CAB39: variants seen among roughly 807,000 people sequenced by gnomAD.
CAB39 encodes the protein calcium binding protein 39, also known as calcium-binding protein 39.
Under a neutral mutation model 40.0 loss-of-function variants are expected in CAB39, and 8 were observed. That is an observed-to-expected ratio of 0.20 (90% confidence interval 0.12 to 0.36). The LOEUF is 0.36. CAB39 is among the 10% of genes least tolerant of loss of function. CAB39 has a pLI of 1.00. For missense variants in CAB39, 270 were observed against 401.1 expected, an observed-to-expected ratio of 0.67 and a Z score of 2.79; for synonymous variants, 156 against 141.6, an observed-to-expected ratio of 1.10 and a Z score of -0.72.
chr2:230,773,012 G>C (rs1695514996), intron 2 of CAB39, among the ~76,000 whole-genome samples: 1 of 145,038 alleles, frequency 6.9e-6, no homozygotes, highest in Admixed American at 6.9e-5. Flanking sequence ...AACTATTGCT[G>C]TATACAACAG....
intron 1 of CAB39, among the ~76,000 whole-genome samples, chr2:230,742,338 C>G (rs1015878298): frequency 3.9e-5 from 6 of 152,076 alleles, no homozygotes; most frequent in Non-Finnish European, 8.8e-5. Context: ...CCACGCCCGG[C>G]TAATTTTTTT....
At chr2:230,804,557 T>C (rs915183464) in intron 5 of CAB39, among the ~76,000 whole-genome samples, 3 of 151,748 alleles carry the variant, frequency 2.0e-5, no homozygotes, top group African/African-American at 7.3e-5. Context: ...AAGAAAAAAA[T>C]CAAACAACCC....
intron 2 of CAB39, among the ~76,000 whole-genome samples, chr2:230,783,931 T>C (rs1297375346): frequency 6.6e-6 from 1 of 152,240 alleles, no homozygotes; most frequent in African/African-American, 2.4e-5. Context: ...TCATCAATAA[T>C]GTATGAAGCA....
intron 1 of CAB39, among the ~76,000 whole-genome samples, chr2:230,755,269 G>A (rs1024220008): frequency 6.6e-6 from 1 of 152,142 alleles, no homozygotes; most frequent in Non-Finnish European, 1.5e-5. Context: ...GTGTAGAAGT[G>A]TTCTCTGATT....
At chr2:230,813,978 C>G in intron 6 of CAB39, 71 bp from the exon 7 acceptor site, 1 of 111,338 alleles carries the variant, frequency 9.0e-6, no homozygotes, top group Non-Finnish European at 1.5e-5. Context: ...ACCTACCAGT[C>G]TTTTTTTTTT....
At chr2:230,772,036 G>A (rs7564854) in intron 2 of CAB39, among the ~76,000 whole-genome samples, 16,172 of 152,074 alleles carry the variant, frequency 0.11, 1,143 homozygotes, top group Middle Eastern at 0.16. Context: ...TGGATGTTAT[G>A]CAAAAAGCAC....
chr2:230,778,272 T>C (rs935758932), intron 2 of CAB39, among the ~76,000 whole-genome samples: 1 of 152,216 alleles, frequency 6.6e-6, no homozygotes, highest in Non-Finnish European at 1.5e-5. Flanking sequence ...AGTAGCCTTC[T>C]TGTCACCTTG....
chr2:230,760,158 C>A, intron 2 of CAB39, 43 bp downstream of exon 2: 1 of 1,223,098 alleles, frequency 8.2e-7, no homozygotes, highest in Non-Finnish European at 1.2e-6. Context: ...TCTTAATTAG[C>A]AAATGCAAGA....
intron 1 of CAB39, among the ~76,000 whole-genome samples, chr2:230,728,506 G>A (rs1404117219): frequency 6.6e-6 from 1 of 152,012 alleles, no homozygotes; most frequent in East Asian, 1.9e-4. Flanking sequence ...TTGCCATGTT[G>A]TCCAGGCTGG....
At chr2:230,756,141 A>AATTC (rs1336929060) in intron 1 of CAB39, among the ~76,000 whole-genome samples, 1 of 152,236 alleles carries the variant, frequency 6.6e-6, no homozygotes. Flanking sequence ...TGAAGGAATT[A>AATTC]ACTCCTGTGT....
At chr2:230,775,725 C>T (rs1295495039) in intron 2 of CAB39, among the ~76,000 whole-genome samples, 1 of 152,148 alleles carries the variant, frequency 6.6e-6, no homozygotes, top group East Asian at 1.9e-4. Flanking sequence ...TTGTTGTTGT[C>T]TACTGTCTTT....
intron 6 of CAB39, chr2:230,813,834 G>C: frequency 2.2e-6 from 1 of 447,348 alleles, no homozygotes; most frequent in Non-Finnish European, 3.9e-6. Flanking sequence ...TTCATGGAAG[G>C]GATTGGTGGG....
chr2:230,800,569 G>A (rs1575955976), intron 5 of CAB39, among the ~76,000 whole-genome samples: 1 of 152,216 alleles, frequency 6.6e-6, no homozygotes, highest in Non-Finnish European at 1.5e-5. Flanking sequence ...TTCAGAAGTA[G>A]CAGACCTGCC....
chr2:230,739,186 G>T (rs1179322673), intron 1 of CAB39, among the ~76,000 whole-genome samples: 1 of 152,214 alleles, frequency 6.6e-6, no homozygotes, highest in Non-Finnish European at 1.5e-5. Flanking sequence ...CAGCCTTGTA[G>T]CAAGTGAGAG....
chr2:230,778,300 G>T (rs575996727), intron 2 of CAB39, among the ~76,000 whole-genome samples: 1 of 152,172 alleles, frequency 6.6e-6, no homozygotes, highest in Admixed American at 6.5e-5. Flanking sequence ...ACGTAAGGCC[G>T]GTTTGGATCT....
At chr2:230,741,209 A>G (rs939155754) in intron 1 of CAB39, among the ~76,000 whole-genome samples, 1 of 152,352 alleles carries the variant, frequency 6.6e-6, no homozygotes, top group Middle Eastern at 3.4e-3. Context: ...CAATGTGAAT[A>G]TATGGTTCTC....
intron 5 of CAB39, among the ~76,000 whole-genome samples, chr2:230,799,991 CA>C (rs60654900): frequency 0.024 from 3,208 of 133,274 alleles, 90 homozygotes; most frequent in African/African-American, 0.076. Context: ...AACTCCATCT[CA>C]AAAAAAAAAA....
At chr2:230,732,317 C>A (rs751636266) in intron 1 of CAB39, among the ~76,000 whole-genome samples, 8 of 151,834 alleles carry the variant, frequency 5.3e-5, no homozygotes, top group Non-Finnish European at 8.8e-5. Flanking sequence ...CTCCTGACCT[C>A]GTGATCCACC....
intron 1 of CAB39, among the ~76,000 whole-genome samples, chr2:230,730,676 T>C (rs1694672096): frequency 1.3e-5 from 2 of 152,166 alleles, no homozygotes; most frequent in Admixed American, 1.3e-4. Context: ...ACTGCTGACC[T>C]CAGGTGATCC....
Sources: allele counts gnomAD v4.1 joint callset (sites outside exome capture counted in the v4.1 genomes callset), GRCh38; gene constraint gnomAD v4.1.1; transcripts MANE v1.5; gene names NCBI Gene and HGNC (gene_info 2026-07-23, HGNC 2026-07-21).